SAG: variants seen among roughly 807,000 people sequenced by gnomAD.
SAG encodes the protein S-arrestin.
A neutral mutation model predicts 55.0 loss-of-function variants in SAG; 45 were observed. That is an observed-to-expected ratio of 0.82 (90% confidence interval 0.64 to 1.05). SAG has a LOEUF of 1.05. SAG is among the 50% of genes least tolerant of loss of function. The pLI, the probability that SAG is intolerant of heterozygous loss-of-function variation, is 0.00. For synonymous variants in SAG, 189 were observed against 197.4 expected (o/e 0.96, Z 0.36); for missense variants, 455 against 512.1 (o/e 0.89, Z 1.08).
At position 233,340,496 on chromosome 2, in the gene SAG, C is replaced by T. The variant is rs776257292; in HGVS notation, c.1046+18C>T. On this transcript the variant is annotated intron_variant, in intron 13 of 15. Transcript: ENST00000409110. This position sits in a 1 kb window ranked among gnomAD's most constrained non-coding sequence, Gnocchi z 4.2. ...ACCTCCAGGTAAGCCTGTTCACCTT[C>T]CTTGTTTGATTGTTTCTCAAGATAT... is the stretch of plus-strand genomic sequence containing the variant. 3.1e-6 allele frequency: 5 copies of T among 1,604,298 alleles called. No homozygotes were observed. In the South Asian group the frequency reaches 4.5e-5, roughly 14 times the overall value.
intron 2 of SAG, among the ~76,000 whole-genome samples, chr2:233,315,374 C>T (rs146283869): frequency 1.2e-3 from 177 of 146,918 alleles, no homozygotes; most frequent in African/African-American, 4.2e-3. Context: ...CTCACTGCAA[C>T]CTCCACCTCC....
intron 3 of SAG, among the ~76,000 whole-genome samples, chr2:233,317,655 G>A (rs1574931215): frequency 6.6e-6 from 1 of 152,256 alleles, no homozygotes; most frequent in East Asian, 1.9e-4. Context: ...GTATAAGGAT[G>A]TTCATCACAA....
chr2:233,331,681 T>C lies in SAG; in HGVS notation c.775T>C (p.Tyr259His). The part of the protein sequence containing the change: ...ANVVLYSSDY[Y>H]VKPVAMEEAQ... ...TGTGGTTCTCTACTCGAGTGATTAT[T>C]ACGTCAAGCCCGTGGCTATGGAGGA... is the stretch of plus-strand genomic sequence containing the variant. Residue 259 changes from tyrosine to histidine, a missense_variant, in exon 10 of 16, where the codon TAC (tyrosine) becomes CAC (histidine). Transcript: ENST00000409110. 1.2e-6 allele frequency: 2 copies of C among 1,613,832 alleles called. No individual in the cohort carries two copies. Among genetic ancestry groups the C allele is most frequent in the Non-Finnish European group, 1.7e-6 (2 of 1,179,756 alleles).
intron 2 of SAG, among the ~76,000 whole-genome samples, chr2:233,310,700 T>G (rs1700055825): frequency 6.6e-6 from 1 of 151,994 alleles, no homozygotes; most frequent in Non-Finnish European, 1.5e-5. Context: ...AGAGACAGGG[T>G]TTCACCATGT....
In SAG at chr2:233,340,386, C is replaced by T. The variant is rs1206473949; in HGVS notation, c.1023-69C>T. ...ATGAGAGCTGGGCTGTGTCCTGCCT[C>T]TGAATCATGGGAAAGGGTCGTGTTA... On this transcript the variant is annotated intron_variant, in intron 12 of 15. Transcript: ENST00000409110. This position sits in a 1 kb window ranked among gnomAD's most constrained non-coding sequence, Gnocchi z 4.2. The T allele has an allele frequency of 1.3e-5, 18 of 1,436,078 alleles. No individual in the cohort carries two copies. Among genetic ancestry groups the T allele is most frequent in the East Asian group, 2.3e-5 (1 of 43,334 alleles). The allele number at this position is 1,436,078 out of a possible 1,614,324, so 89.0% of individuals were successfully genotyped here.
chr2:233,329,824 A>G (rs1226019005), intron 9 of SAG, among the ~76,000 whole-genome samples: 1 of 152,166 alleles, frequency 6.6e-6, no homozygotes, highest in African/African-American at 2.4e-5. Context: ...ATCTCTTTCC[A>G]TGGTTATGCC....
intron 7 of SAG, 188 bp downstream of exon 7, chr2:233,327,385 C>G: frequency 1.9e-6 from 1 of 517,988 alleles, no homozygotes; most frequent in Non-Finnish European, 3.5e-6. Context: ...AAGAAAATGA[C>G]AGGGAAGTTA....
chr2:233,342,476 G>A, intron 14 of SAG, 150 bp downstream of exon 14: 2 of 699,708 alleles, frequency 2.9e-6, no homozygotes, highest in Non-Finnish European at 5.1e-6. Flanking sequence ...GAATAGTCTG[G>A]GGGGAAGGGA....
chr2:233,319,600 G>C lies in SAG; in HGVS notation c.181+805G>C. The C allele has an allele frequency of 1.0e-6, 1 of 986,526 alleles. No homozygotes were observed. Among genetic ancestry groups the C allele is most frequent in the Non-Finnish European group, 1.2e-6 (1 of 830,744 alleles). 61.1% of individuals were successfully genotyped at this position (986,526 alleles called of 1,614,324 possible). On this transcript the variant is annotated intron_variant, in intron 4 of 15. Coordinates refer to ENST00000409110, the MANE Select transcript of SAG (RefSeq NM_000541.5). This position sits in a 1 kb window ranked among gnomAD's most constrained non-coding sequence, Gnocchi z 4.4. ...GGGCCATCAGCATTGAGGGGGCATG[G>C]CTGAAATGGGGCCCCAAACGGCCCC...
chr2:233,333,280 T>TCTTGGCCCTGGTTCACC (rs1700824725), intron 10 of SAG: 1 of 152,054 alleles, frequency 6.6e-6, no homozygotes, highest in South Asian at 2.1e-4. Flanking sequence ...CCTGGAGGGG[T>TCTTGGCCCTGGTTCACC]CTTGGCCCTG....
intron 6 of SAG, among the ~76,000 whole-genome samples, chr2:233,324,093 G>A (rs1018040845): frequency 6.6e-6 from 1 of 152,116 alleles, no homozygotes; most frequent in Non-Finnish European, 1.5e-5. Context: ...CTGAGTGAGA[G>A]GAGCAAGGGA....
At chr2:233,335,575 G>GTTCA (rs3838576) in intron 11 of SAG, among the ~76,000 whole-genome samples, 61,448 of 151,432 alleles carry the variant, frequency 0.41, 12,975 homozygotes, top group Non-Finnish European at 0.48. Flanking sequence ...TCTTGGCTGT[G>GTTCA]TTCATTCATT....
chr2:233,312,649 G>T (rs1265343238), intron 2 of SAG, among the ~76,000 whole-genome samples: 1 of 152,190 alleles, frequency 6.6e-6, no homozygotes, highest in East Asian at 1.9e-4. Flanking sequence ...AGCAGCAGCA[G>T]CCTGCATCCC....
rs377050409 is a variant in SAG, at chr2:233,338,695, C to A, written c.964C>A (p.Arg322=). 1 of 1,613,866 alleles carries A rather than the reference C, an allele frequency of 6.2e-7. No individual in the cohort carries two copies. The highest frequency in any genetic ancestry group is 8.5e-7 in the Non-Finnish European group (1 of 1,179,828). The stretch of plus-strand genomic sequence containing the variant: ...GGGCAGCATTAAGGAGGGCATAGAC[C>A]GGACCGTCCTGGGAATCCTGGTGTC... ...SSTIIKEGID[R]TVLGILVSYQ... Residue 322 remains arginine (R), a synonymous_variant, in exon 12 of 16, where the codon CGG becomes AGG. Coordinates refer to ENST00000409110, the MANE Select transcript of SAG (RefSeq NM_000541.5).
At chr2:233,317,408 A>C (rs1700241565) in intron 3 of SAG, among the ~76,000 whole-genome samples, 1 of 152,236 alleles carries the variant, frequency 6.6e-6, no homozygotes, top group Non-Finnish European at 1.5e-5. Context: ...GAGAAACTGG[A>C]TGAAGGATAC....
At chr2:233,323,380 T>C (rs6707862) in intron 6 of SAG, among the ~76,000 whole-genome samples, 5,019 of 150,908 alleles carry the variant, frequency 0.033, 276 homozygotes, top group African/African-American at 0.12. Flanking sequence ...TTTTTTTTTT[T>C]TAGATGGAGT....
chr2:233,322,886 ATTAC>A (rs750115758), intron 5 of SAG, 56 bp from the exon 6 acceptor site: 1 of 973,254 alleles, frequency 1.0e-6, no homozygotes, highest in Non-Finnish European at 1.6e-6. Context: ...ATGATTATAT[ATTAC>A]TTAATGGAAC....
At chr2:233,325,891 T>C (rs563160077) in intron 6 of SAG, among the ~76,000 whole-genome samples, 1 of 152,120 alleles carries the variant, frequency 6.6e-6, no homozygotes, top group African/African-American at 2.4e-5. Flanking sequence ...TTGGTGTGGC[T>C]CAACAACGGC....
At chr2:233,326,573 A>C (rs1199260400) in intron 6 of SAG, among the ~76,000 whole-genome samples, 3 of 150,826 alleles carry the variant, frequency 2.0e-5, no homozygotes, top group Non-Finnish European at 4.4e-5. Context: ...GCAACAGAGC[A>C]AGACTCCATC....
Sources: gnomAD v4.1 joint callset for allele counts (sites outside exome capture counted in the v4.1 genomes callset) on GRCh38, gnomAD v4.1.1 for gene constraint, Gnocchi (gnomAD v3.1) non-coding constraint, MANE v1.5 for transcripts, NCBI Gene and HGNC (gene_info 2026-07-23, HGNC 2026-07-21) for gene names.